Variants in MAP2K1 observed in about 807,000 individuals in gnomAD.
The protein encoded by MAP2K1 is dual specificity mitogen-activated protein kinase kinase 1.
A neutral mutation model predicts 46.3 loss-of-function variants in MAP2K1; 16 were observed. The observed-to-expected ratio is 0.35, with a 90% CI of 0.23 to 0.52. The LOEUF is 0.52. Ranked by LOEUF, MAP2K1 falls within the 20% of genes least tolerant of loss-of-function variation. The probability of loss-of-function intolerance (pLI) is 0.94; values close to 1 mark genes in which losing one functional copy is unlikely to be tolerated. For missense variants in MAP2K1, 263 were observed against 497.1 expected (o/e 0.53, Z 4.48); for synonymous variants, 183 against 185.6 (o/e 0.99, Z 0.11).
intron 1 of MAP2K1, among the ~76,000 whole-genome samples, chr15:66,396,434 TA>T (rs1257951988): frequency 1.3e-5 from 2 of 151,866 alleles, no homozygotes; most frequent in Non-Finnish European, 2.9e-5. Flanking sequence ...CATGGCCGGC[TA>T]ATTTTTTTAT....
At chr15:66,443,469 A>G in intron 4 of MAP2K1, 112 bp downstream of exon 4, 2 of 734,464 alleles carry the variant, frequency 2.7e-6, no homozygotes, top group Non-Finnish European at 4.9e-6. Flanking sequence ...AGTTTATAAG[A>G]AAAGTGGTAT....
chr15:66,426,319 G>T (rs1160475780), intron 1 of MAP2K1, among the ~76,000 whole-genome samples: 3 of 143,270 alleles, frequency 2.1e-5, no homozygotes, highest in South Asian at 2.2e-4. Context: ...GGACTTGCCT[G>T]TTCCAACTTC....
rs1316926285 is a variant in MAP2K1, at chr15:66,410,950, A to AG, written c.80+23524dup. Among the ~76,000 whole-genome samples, 11 of 152,186 alleles carry AG rather than the reference A, an allele frequency of 7.2e-5. 1 individual carries two copies. The highest frequency in any genetic ancestry group is 2.0e-4 in the Admixed American group (3 of 15,282). On this transcript the variant is annotated intron_variant, in intron 1 of 10. Transcript: ENST00000307102. ...CTCCCGCCCAGGCCTGCCATGTACT[A>AG]GTTGATCAGTAAAAGTGGAATGAAT...
chr15:66,469,499 T>TTTTTTC (rs56084516), intron 5 of MAP2K1, among the ~76,000 whole-genome samples: 1 of 142,454 alleles, frequency 7.0e-6, no homozygotes. Context: ...TTTTTTTTTT[T>TTTTTTC]GTTGAGGAAC....
rs1364867197 is a variant in MAP2K1, at chr15:66,387,139, G to A, written c.-209G>A. On this transcript the variant is annotated 5_prime_UTR_variant, in exon 1 of 11. Coordinates refer to ENST00000307102, the MANE Select transcript of MAP2K1 (RefSeq NM_002755.4). ...CTTTCGGCTCTCTGCGCGCGAAGCC[G>A]AGTCCCGGGCGGGTGGGGCGGGGGT... 6.6e-6 allele frequency: 3 copies of A among 455,608 alleles called. No individual in the cohort carries two copies. The highest frequency in any genetic ancestry group is 2.1e-5 in the African/African-American group (1 of 48,404). The allele number at this position is 455,608 out of a possible 1,614,324, so 28.2% of individuals were successfully genotyped here. A position where few individuals can be genotyped will look rare whatever the true frequency, so the allele number is the denominator to read the frequency against.
chr15:66,414,407 A>T (rs28361382), intron 1 of MAP2K1, among the ~76,000 whole-genome samples: 6 of 152,040 alleles, frequency 3.9e-5, no homozygotes, highest in Non-Finnish European at 5.9e-5. Context: ...CAATTTTATT[A>T]TAGCAAAAAG....
At chr15:66,431,150 A>G (rs1330533062) in intron 1 of MAP2K1, among the ~76,000 whole-genome samples, 2 of 152,152 alleles carry the variant, frequency 1.3e-5, no homozygotes, top group African/African-American at 4.8e-5. Flanking sequence ...CCCCAGTGTC[A>G]GTTTTGCTGA....
Position 66,491,132 on chromosome 15 carries a change from T to G in MAP2K1, c.*517T>G. The G allele has an allele frequency of 6.9e-6, 2 of 288,000 alleles. No homozygotes were observed. The allele number at this position is 288,000 out of a possible 1,614,324, so 17.8% of individuals were successfully genotyped here. The stretch of plus-strand genomic sequence containing the variant: ...GTACATCATGTTATTTTATTATTAT[T>G]ATTTGCTTTTCATGTAGAACTCAGC... On this transcript the variant is annotated 3_prime_UTR_variant, in exon 11 of 11. Coordinates refer to ENST00000307102, the MANE Select transcript of MAP2K1 (RefSeq NM_002755.4).
At chr15:66,463,009 A>G (rs1223725707) in intron 5 of MAP2K1, among the ~76,000 whole-genome samples, 5 of 152,128 alleles carry the variant, frequency 3.3e-5, no homozygotes, top group Admixed American at 6.5e-5. Flanking sequence ...GGAAGACACC[A>G]CCTCTCAGCA....
rs1025545173 is a variant in MAP2K1, at chr15:66,388,901, G to A, written c.80+1474G>A. On this transcript the variant is annotated intron_variant, in intron 1 of 10. Coordinates refer to ENST00000307102, the MANE Select transcript of MAP2K1 (RefSeq NM_002755.4). The stretch of plus-strand genomic sequence containing the variant: ...TTGCATTATTGCATTGCAAACATTT[G>A]TTCTTTTTTTTTTTTTTTTTTTGAG... Among the ~76,000 whole-genome samples, 4 of 102,212 alleles carry A rather than the reference G, an allele frequency of 3.9e-5. No individual in the cohort carries two copies. In the South Asian group the frequency reaches 1.3e-3, roughly 33 times the overall value. 67.1% of individuals were successfully genotyped at this position (102,212 alleles called of 152,430 possible). A position where few individuals can be genotyped will look rare whatever the true frequency, so the allele number is the denominator to read the frequency against.
At chr15:66,447,519 C>T (rs1380552326) in intron 5 of MAP2K1, among the ~76,000 whole-genome samples, 1 of 150,532 alleles carries the variant, frequency 6.6e-6, no homozygotes, top group Non-Finnish European at 1.5e-5. Flanking sequence ...GGTGAAACCC[C>T]GTCTCCACTA....
At chr15:66,448,525 A>G (rs965023426) in intron 5 of MAP2K1, among the ~76,000 whole-genome samples, 3 of 152,220 alleles carry the variant, frequency 2.0e-5, no homozygotes, top group African/African-American at 7.2e-5. Flanking sequence ...AATGAAGCAC[A>G]AAGAAGAATA....
chr15:66,456,569 C>T (rs1221435159), intron 5 of MAP2K1, among the ~76,000 whole-genome samples: 2 of 152,162 alleles, frequency 1.3e-5, no homozygotes, highest in African/African-American at 2.4e-5. Context: ...CCTCACTAGC[C>T]CCAGACACAT....
chr15:66,404,413 A>G (rs1465713515), intron 1 of MAP2K1, among the ~76,000 whole-genome samples: 1 of 152,198 alleles, frequency 6.6e-6, no homozygotes, highest in East Asian at 1.9e-4. Flanking sequence ...TTAACACATT[A>G]TATTTAGAGA....
intron 5 of MAP2K1, among the ~76,000 whole-genome samples, chr15:66,468,964 A>AAAT (rs1463774667): frequency 1.5e-5 from 2 of 133,052 alleles, no homozygotes; most frequent in Non-Finnish European, 3.2e-5. Context: ...AAAAAAAAAA[A>AAAT]TTTTTTTTTT....
At chr15:66,431,004 A>G (rs200313322) in intron 1 of MAP2K1, among the ~76,000 whole-genome samples, 1 of 152,176 alleles carries the variant, frequency 6.6e-6, no homozygotes, top group Non-Finnish European at 1.5e-5. Flanking sequence ...TTCACATTAC[A>G]GTGTGTGGTT....
intron 10 of MAP2K1, chr15:66,489,987 A>G (rs1192323602): frequency 3.3e-6 from 2 of 609,362 alleles, no homozygotes; most frequent in Non-Finnish European, 5.9e-6. Flanking sequence ...GCCAGAGGAA[A>G]TGCCTGAGGG....
chr15:66,426,308 A>G (rs2093458608), intron 1 of MAP2K1, among the ~76,000 whole-genome samples: 1 of 150,938 alleles, frequency 6.6e-6, no homozygotes, highest in East Asian at 1.9e-4. Context: ...TTTCACACCC[A>G]GGACTTGCCT....
chr15:66,481,076 T>C (rs1892902392), intron 5 of MAP2K1, among the ~76,000 whole-genome samples: 1 of 152,124 alleles, frequency 6.6e-6, no homozygotes, highest in South Asian at 2.1e-4. Context: ...GGGCATCGTT[T>C]TGACTCTGAG....
Sources: gnomAD v4.1 joint callset for allele counts (sites outside exome capture counted in the v4.1 genomes callset) on GRCh38, gnomAD v4.1.1 for gene constraint, MANE v1.5 for transcripts, NCBI Gene and HGNC (gene_info 2026-07-23, HGNC 2026-07-21) for gene names.